Variants in PRKRA observed in about 807,000 individuals in gnomAD.
PRKRA encodes the protein interferon-inducible double-stranded RNA-dependent protein kinase activator A.
A neutral mutation model predicts 32.4 loss-of-function variants in PRKRA; 22 were observed. That is an observed-to-expected ratio of 0.68 (90% CI 0.49 to 0.97). The LOEUF is 0.97. Among genes scored for constraint, PRKRA ranks in the 50% least tolerant of loss-of-function variants. The probability of loss-of-function intolerance (pLI) is 0.00; values close to 1 mark genes in which losing one functional copy is unlikely to be tolerated. For missense variants in PRKRA, 319 were observed against 375.6 expected, an observed-to-expected ratio of 0.85 and a Z score of 1.25; for synonymous variants, 139 against 129.8, an observed-to-expected ratio of 1.07 and a Z score of -0.48.
At chr2:178,450,602 A>G (rs1697553235) in intron 1 of PRKRA, 191 bp from the exon 2 acceptor site, 1 of 1,476,438 alleles carries the variant, frequency 6.8e-7, no homozygotes. Context: ...CCGCAGGAGC[A>G]GGCGGGGTGA....
At chr2:178,450,777 G>C (rs1697576191) in intron 1 of PRKRA, 189 bp downstream of exon 1, 5 of 1,346,884 alleles carry the variant, frequency 3.7e-6, no homozygotes, top group Admixed American at 3.7e-5. Flanking sequence ...GGGACCACGA[G>C]AGGGGCGGGG....
intron 6 of PRKRA, among the ~76,000 whole-genome samples, chr2:178,441,005 TCA>T (rs1697090799): frequency 6.6e-6 from 1 of 152,226 alleles, no homozygotes; most frequent in Non-Finnish European, 1.5e-5. Context: ...ATACGATGTT[TCA>T]CTCCTGGCCT....
At chr2:178,447,926 GA>G (rs1190962785) in intron 2 of PRKRA, among the ~76,000 whole-genome samples, 1 of 152,180 alleles carries the variant, frequency 6.6e-6, no homozygotes, top group Non-Finnish European at 1.5e-5. Flanking sequence ...CACCTCTGAA[GA>G]AATGCAGATT....
At chr2:178,447,678 A>G (rs1697374497) in intron 2 of PRKRA, 92 bp from the exon 3 acceptor site, 4 of 1,154,208 alleles carry the variant, frequency 3.5e-6, no homozygotes, top group Non-Finnish European at 3.5e-6. Context: ...AAGTCACTAT[A>G]GATTTTACAT....
chr2:178,440,261 TTTGA>T (rs1697062070), intron 6 of PRKRA: 1 of 152,202 alleles, frequency 6.6e-6, no homozygotes, highest in Admixed American at 6.5e-5. Flanking sequence ...GTATATAGTC[TTTGA>T]TTTTTTTCTA....
intron 7 of PRKRA, among the ~76,000 whole-genome samples, chr2:178,435,503 T>C (rs543066479): frequency 6.6e-6 from 1 of 151,946 alleles, no homozygotes; most frequent in South Asian, 2.1e-4. Context: ...TATTTGTCTA[T>C]CCAAATGATT....
At chr2:178,438,942 C>A (rs941521644) in intron 6 of PRKRA, 1 of 152,004 alleles carries the variant, frequency 6.6e-6, no homozygotes, top group Non-Finnish European at 1.5e-5. Context: ...CTCGGCCTCC[C>A]AAAGTGCTGG....
At chr2:178,450,550 G>C in intron 1 of PRKRA, 139 bp from the exon 2 acceptor site, 1 of 1,546,954 alleles carries the variant, frequency 6.5e-7, no homozygotes, top group Non-Finnish European at 8.7e-7. Flanking sequence ...AGCTGGCGAG[G>C]CTGGGGCGCA....
chr2:178,449,985 G>C, intron 2 of PRKRA: 1 of 565,710 alleles, frequency 1.8e-6, no homozygotes, highest in South Asian at 2.0e-5. Context: ...TAGGGTATGA[G>C]AAGAGCCATG....
intron 2 of PRKRA, among the ~76,000 whole-genome samples, chr2:178,448,696 T>TGATGGTGG (rs879720974): frequency 3.1e-4 from 47 of 151,990 alleles, no homozygotes; most frequent in Admixed American, 2.4e-3. Context: ...AAGTGAGAGA[T>TGATGGTGG]GATGGTGGCC....
chr2:178,448,870 T>C (rs1342714047), intron 2 of PRKRA, among the ~76,000 whole-genome samples: 1 of 152,136 alleles, frequency 6.6e-6, no homozygotes, highest in Non-Finnish European at 1.5e-5. Flanking sequence ...AACTAGGTGA[T>C]TGTGGAGCCT....
At position 178,431,475 on chromosome 2, in the gene PRKRA, A is replaced by T. The variant is rs1696646361; in HGVS notation, c.*622T>A. On this transcript the variant is annotated 3_prime_UTR_variant, in exon 8 of 8. Transcript: ENST00000325748. ...TTTTCACCTTTGAATTTCAAAGTAAATTAGAGATATGTAAATAACAGAATT... is the reference window on the plus strand; with the variant it reads ...TTTTCACCTTTGAATTTCAAAGTAATTTAGAGATATGTAAATAACAGAATT... The T allele has an allele frequency of 6.5e-6, 1 of 153,582 alleles. No homozygotes were observed. The highest frequency in any genetic ancestry group is 2.4e-5 in the African/African-American group (1 of 41,464). The allele number at this position is 153,582 out of a possible 1,614,324, so 9.5% of individuals were successfully genotyped here. A position where few individuals can be genotyped will look rare whatever the true frequency, so the allele number is the denominator to read the frequency against.
At chr2:178,447,328 G>T (rs1409856757) in intron 3 of PRKRA, 177 bp downstream of exon 3, 1 of 1,135,208 alleles carries the variant, frequency 8.8e-7, no homozygotes, top group Admixed American at 2.7e-5. Context: ...CTAATTGCTG[G>T]ATTTGATTGG....
At position 178,444,470 on chromosome 2, in the gene PRKRA, G is replaced by A. The variant is rs752108367; in HGVS notation, c.348C>T (p.Asp116=). ...GCTGGTTCTTTGGTTGCTTGGAAGG[G>A]TCAGGCATTAAGGGGTCAGGAACTG... is the stretch of plus-strand genomic sequence containing the variant. The part of the protein sequence containing the change: ...CFAVPDPLMP[D]PSKQPKNQLN... The change falls in exon 4 of 8, where the codon GAC becomes GAT. Residue 116 remains aspartate, a synonymous_variant. Coordinates refer to ENST00000325748, the MANE Select transcript of PRKRA (RefSeq NM_003690.5). The A allele has an allele frequency of 1.2e-6, 2 of 1,606,884 alleles. No individual in the cohort carries two copies. The highest frequency in any genetic ancestry group is 8.5e-7 in the Non-Finnish European group (1 of 1,173,602).
In PRKRA at chr2:178,450,347, T is replaced by A; in HGVS notation, c.130A>T (p.Met44Leu). 1 of 1,614,294 alleles carries A rather than the reference T, an allele frequency of 6.2e-7. No homozygotes were observed. Among genetic ancestry groups the A allele is most frequent in the Non-Finnish European group, 8.5e-7 (1 of 1,180,052 alleles). Reference sequence around the variant, plus strand: ...TAAACTGGGATGTTCTTGGTCTTCATGCCGTATTCGTGTAATACCTGAATC... The same window carrying A: ...TAAACTGGGATGTTCTTGGTCTTCAAGCCGTATTCGTGTAATACCTGAATC... ...TPIQVLHEYG[M>L]KTKNIPVYEC... is the part of the protein sequence containing the mutation. The change falls in exon 2 of 8, where the codon ATG (methionine) becomes TTG (leucine). Residue 44 changes from methionine (M) to leucine (L), a missense_variant. Met to Leu is a conservative substitution (Grantham distance 15, BLOSUM62 2). Transcript: ENST00000325748.
At chr2:178,443,179 A>G in intron 5 of PRKRA, 88 bp downstream of exon 5, 1 of 1,008,212 alleles carries the variant, frequency 9.9e-7, no homozygotes, top group Non-Finnish European at 1.6e-6. Context: ...TCTGCATAGA[A>G]ATATTTGAAA....
intron 7 of PRKRA, chr2:178,434,133 C>CA (rs1165623638): frequency 2.7e-5 from 4 of 148,602 alleles, no homozygotes; most frequent in Non-Finnish European, 4.5e-5. Flanking sequence ...TTTTTTGAGA[C>CA]AGAGTCTCAC....
chr2:178,435,576 T>C (rs1299245533), intron 7 of PRKRA, among the ~76,000 whole-genome samples: 1 of 152,080 alleles, frequency 6.6e-6, no homozygotes, highest in Non-Finnish European at 1.5e-5. Flanking sequence ...ATTGACTTGG[T>C]TCCATTTACC....
intron 1 of PRKRA, 26 bp from the exon 2 acceptor site, chr2:178,450,437 T>TCCAGCGGCGGGGCC: frequency 2.1e-6 from 2 of 951,162 alleles, no homozygotes; most frequent in Non-Finnish European, 2.9e-6. Flanking sequence ...AAAGGTGTGC[T>TCCAGCGGCGGGGCC]TTGCATGCCA....
Sources: allele counts gnomAD v4.1 joint callset (sites outside exome capture counted in the v4.1 genomes callset), GRCh38; gene constraint gnomAD v4.1.1; transcripts MANE v1.5; gene names NCBI Gene and HGNC (gene_info 2026-07-23, HGNC 2026-07-21).